SNX27: variants seen among roughly 807,000 people sequenced by gnomAD.
The protein encoded by SNX27 is sorting nexin-27.
A neutral mutation model predicts 71.6 loss-of-function variants in SNX27; 22 were observed. The observed-to-expected ratio is 0.31, with a 90% confidence interval of 0.22 to 0.44. SNX27 has a LOEUF of 0.44. Among genes scored for constraint, SNX27 ranks in the 20% least tolerant of loss-of-function variants. SNX27 has a pLI of 1.00. For missense variants in SNX27, 531 were observed against 698.6 expected, an observed-to-expected ratio of 0.76 and a Z score of 2.70; for synonymous variants, 269 against 277.2, an observed-to-expected ratio of 0.97 and a Z score of 0.29.
intron 1 of SNX27, among the ~76,000 whole-genome samples, chr1:151,623,347 A>G (rs575697918): frequency 2.6e-5 from 4 of 151,988 alleles, no homozygotes; most frequent in Non-Finnish European, 5.9e-5. Context: ...TCACCTTGTT[A>G]GCCAGGATGG....
chr1:151,622,531 A>T (rs1667723215), intron 1 of SNX27, among the ~76,000 whole-genome samples: 1 of 152,350 alleles, frequency 6.6e-6, no homozygotes, highest in Non-Finnish European at 1.5e-5. Context: ...GTTATTGATA[A>T]AACAAGTATA....
chr1:151,692,151 G>A (rs1671480725), intron 8 of SNX27, among the ~76,000 whole-genome samples: 1 of 152,068 alleles, frequency 6.6e-6, no homozygotes, highest in African/African-American at 2.4e-5. Flanking sequence ...TTGAGCCCTG[G>A]AGGTTGAGGT....
chr1:151,638,782 C>A, intron 1 of SNX27, 106 bp from the exon 2 acceptor site: 1 of 975,434 alleles, frequency 1.0e-6, no homozygotes, highest in East Asian at 2.5e-5. Flanking sequence ...CTTTTGACTT[C>A]ATGGTTCATA....
chr1:151,658,139 G>T, intron 2 of SNX27, 96 bp from the exon 3 acceptor site: 1 of 1,100,124 alleles, frequency 9.1e-7, no homozygotes, highest in South Asian at 1.6e-5. Flanking sequence ...ATGCATAGCA[G>T]AATGCATCTA....
In SNX27 at chr1:151,696,522, G is replaced by GTTCTTTTGTTCT. The variant is rs1671735079; in HGVS notation, c.*2111_*2112insTGTTCTTTCTTT. ...CTTTCTTTCGTTCTTTCGTTCTTTC[G>GTTCTTTTGTTCT]TTCTTTCTTTCTTTCTTTCTTTCTC... On this transcript the variant is annotated 3_prime_UTR_variant, in exon 12 of 12. Coordinates refer to ENST00000458013, the MANE Select transcript of SNX27 (RefSeq NM_001330723.2). 1 of 102,306 alleles carries GTTCTTTTGTTCT rather than the reference G, an allele frequency of 9.8e-6. No individual in the cohort carries two copies. Among genetic ancestry groups the GTTCTTTTGTTCT allele is most frequent in the Non-Finnish European group, 2.3e-5 (1 of 43,530 alleles). The allele number at this position is 102,306 out of a possible 1,614,324, so 6.3% of individuals were successfully genotyped here. A position where few individuals can be genotyped will look rare whatever the true frequency, so the allele number is the denominator to read the frequency against.
intron 11 of SNX27, 70 bp downstream of exon 11, chr1:151,693,553 C>T (rs1242927480): frequency 6.2e-7 from 1 of 1,612,028 alleles, no homozygotes. Context: ...GGCCTGTGGC[C>T]AAATACCTGG....
chr1:151,623,698 C>A (rs1217924018), intron 1 of SNX27, among the ~76,000 whole-genome samples: 2 of 152,128 alleles, frequency 1.3e-5, no homozygotes, highest in East Asian at 3.9e-4. Context: ...CTGCGCCTGA[C>A]CCTTTCCCAT....
In SNX27 at chr1:151,695,735, T is replaced by TGCA. The variant is rs1671672778; in HGVS notation, c.*1323_*1325dup. 6.6e-6 allele frequency: 1 copy of TGCA among 152,248 alleles called. No homozygotes were observed. The highest frequency in any genetic ancestry group is 1.5e-5 in the Non-Finnish European group (1 of 68,096). The allele number at this position is 152,248 out of a possible 1,614,324, so 9.4% of individuals were successfully genotyped here. A position where few individuals can be genotyped will look rare whatever the true frequency, so the allele number is the denominator to read the frequency against. On this transcript the variant is annotated 3_prime_UTR_variant, in exon 12 of 12. Coordinates refer to ENST00000458013, the MANE Select transcript of SNX27 (RefSeq NM_001330723.2). ...CCACTGTGTCCTTCCCTGCCTTTTT[T>TGCA]GCAGCAGGGATAGTACTCAGGACCA...
intron 2 of SNX27, among the ~76,000 whole-genome samples, chr1:151,647,368 T>G (rs1209166227): frequency 6.6e-6 from 1 of 150,554 alleles, no homozygotes; most frequent in Non-Finnish European, 1.5e-5. Context: ...CAGGCTGGTC[T>G]CGAACTCCTG....
Position 151,694,648 on chromosome 1 carries a change from G to A in SNX27, c.*231G>A. The A allele has an allele frequency of 2.2e-6, 1 of 450,384 alleles. No homozygotes were observed. Among genetic ancestry groups the A allele is most frequent in the Non-Finnish European group, 3.9e-6 (1 of 258,752 alleles). The allele number at this position is 450,384 out of a possible 1,614,324, so 27.9% of individuals were successfully genotyped here. A position where few individuals can be genotyped will look rare whatever the true frequency, so the allele number is the denominator to read the frequency against. ...ACCAGAAGTCAACTGAGTTAAGGCA[G>A]GAAAAGAAATAAGCCCAACCAACTT... On this transcript the variant is annotated 3_prime_UTR_variant, in exon 12 of 12. Transcript: ENST00000458013.
At chr1:151,660,138 C>T (rs536732677) in intron 3 of SNX27, 1 of 152,172 alleles carries the variant, frequency 6.6e-6, no homozygotes, top group South Asian at 2.1e-4. Context: ...GTTTAATTTA[C>T]CATTCTCATG....
intron 7 of SNX27, chr1:151,677,605 A>T (rs1258392864): frequency 2.0e-5 from 3 of 152,024 alleles, no homozygotes; most frequent in Non-Finnish European, 4.4e-5. Flanking sequence ...GTATCTCGCT[A>T]TGTTGCCCAG....
In SNX27 at chr1:151,652,523, C is replaced by T. The variant is rs558948029; in HGVS notation, c.544-5712C>T. ...TCCCAAGTTCACGCAATTCTCCTGC[C>T]TTAGCCTCCCGAGTAGCTGGGACTA... On this transcript the variant is annotated intron_variant, in intron 2 of 11. Coordinates refer to ENST00000458013, the MANE Select transcript of SNX27 (RefSeq NM_001330723.2). 2.6e-5 allele frequency among the ~76,000 whole-genome samples: 4 copies of T among 151,590 alleles called. No homozygotes were observed. The East Asian group carries it at 7.8e-4, about 30-fold the overall frequency.
chr1:151,635,203 A>G (rs1284406507), intron 1 of SNX27, among the ~76,000 whole-genome samples: 2 of 152,250 alleles, frequency 1.3e-5, no homozygotes, highest in Non-Finnish European at 2.9e-5. Flanking sequence ...TATAACACAA[A>G]TAGCTACCAT....
chr1:151,678,329 T>G (rs1235607007), intron 7 of SNX27: 1 of 152,232 alleles, frequency 6.6e-6, no homozygotes, highest in African/African-American at 2.4e-5. Context: ...TTTAGATATT[T>G]AATGTAAGTG....
intron 3 of SNX27, 118 bp from the exon 4 acceptor site, chr1:151,660,680 C>A (rs1276563194): frequency 1.4e-6 from 1 of 729,802 alleles, no homozygotes; most frequent in African/African-American, 1.8e-5. Flanking sequence ...TCATTATTGC[C>A]TGCTACTGAT....
At chr1:151,686,715 A>T (rs1327958563) in intron 8 of SNX27, among the ~76,000 whole-genome samples, 1 of 152,252 alleles carries the variant, frequency 6.6e-6, no homozygotes, top group African/African-American at 2.4e-5. Flanking sequence ...CTGAGCCCAT[A>T]GGCCCTGATG....
chr1:151,612,933 C>G lies in SNX27; in HGVS notation c.311+421C>G, dbSNP rs942954197. 6.6e-6 allele frequency among the ~76,000 whole-genome samples: 1 copy of G among 151,950 alleles called. No individual in the cohort carries two copies. The highest frequency in any genetic ancestry group is 1.5e-5 in the Non-Finnish European group (1 of 68,004). On this transcript the variant is annotated intron_variant, in intron 1 of 11. Coordinates refer to ENST00000458013, the MANE Select transcript of SNX27 (RefSeq NM_001330723.2). The surrounding 1 kb of genome is among the most constrained non-coding windows in gnomAD (Gnocchi z 5.2). ...GCCAGTACCGTGTCCCCCCCAAGTT[C>G]TCATCTTCAGCATCGCAGTTTCGTT...
chr1:151,619,254 T>C (rs924406930), intron 1 of SNX27, among the ~76,000 whole-genome samples: 4 of 152,240 alleles, frequency 2.6e-5, no homozygotes, highest in South Asian at 4.1e-4. Context: ...GGTGGGAGGA[T>C]TGCTGGAGCC....
Sources: gnomAD v4.1 joint callset for allele counts (sites outside exome capture counted in the v4.1 genomes callset) on GRCh38, gnomAD v4.1.1 for gene constraint, Gnocchi (gnomAD v3.1) non-coding constraint, MANE v1.5 for transcripts, NCBI Gene and HGNC (gene_info 2026-07-23, HGNC 2026-07-21) for gene names.